The following EXTL2 variants were observed in gnomAD, a reference collection of about 807,000 sequenced individuals.
The protein encoded by EXTL2 is exostosin like glycosyltransferase 2.
EXTL2 carries 23 observed loss-of-function variants against 30.7 expected under a neutral mutation model. That is an observed-to-expected ratio of 0.75 (90% CI 0.54 to 1.06). The LOEUF (loss-of-function observed/expected upper bound fraction) is 1.06, where lower values mean the gene tolerates loss of function less well. Among genes scored for constraint, EXTL2 ranks in the 50% least tolerant of loss-of-function variants. The pLI is 0.00. For missense variants in EXTL2, 352 were observed against 396.3 expected (o/e 0.89, Z 0.95); for synonymous variants, 123 against 133.8 (o/e 0.92, Z 0.56).
At position 100,876,804 on chromosome 1, in the gene EXTL2, G is replaced by A. The variant is rs778046700; in HGVS notation, c.494C>T (p.Ser165Leu). Residue 165 changes from serine to leucine, a missense_variant, in exon 4 of 5, where the codon TCA becomes TTA. Physicochemically the swap from Ser to Leu is moderately radical, Grantham distance 145 (BLOSUM62 -2). Transcript: ENST00000370114. ...ISTPDLVFAF[S>L]VWQQFPDQIV... ...AGACAGCAACATTACCTGCCAAACT[G>A]AGAAAGCAAAAACAAGGTCTGGGGT... is the stretch of plus-strand genomic sequence containing the variant. 1.2e-6 allele frequency: 2 copies of A among 1,611,586 alleles called. No individual in the cohort carries two copies. The highest frequency in any genetic ancestry group is 1.7e-6 in the Non-Finnish European group (2 of 1,178,254).
chr1:100,874,502 T>G, intron 4 of EXTL2, 72 bp from the exon 5 acceptor site: 1 of 1,220,028 alleles, frequency 8.2e-7, no homozygotes, highest in South Asian at 1.5e-5. Context: ...AGGCAATGAT[T>G]TATTACAGAG....
chr1:100,881,040 C>A (rs1433148329), intron 2 of EXTL2: 1 of 984,294 alleles, frequency 1.0e-6, no homozygotes, highest in South Asian at 4.7e-5. Context: ...GCTCCTAATC[C>A]CCCAATTTTA....
chr1:100,884,442 GA>G (rs1315795521), intron 2 of EXTL2, among the ~76,000 whole-genome samples: 1 of 152,194 alleles, frequency 6.6e-6, no homozygotes, highest in Non-Finnish European at 1.5e-5. Context: ...ATGCACGTAA[GA>G]AGATGCAAAA....
rs1031376839 is a variant in EXTL2, at chr1:100,874,301, G to T, written c.634C>A (p.Leu212Met). Residue 212 changes from leucine to methionine, a missense_variant, in exon 5 of 5, where the codon CTG becomes ATG. Physicochemically the swap from Leu to Met is conservative, Grantham distance 15. Transcript: ENST00000370114. The part of the protein sequence containing the change: ...SGNGDQYSMV[L>M]IGASFFNSKY... ...CTATTGAAGAATGAGGCTCCAATCA[G>T]CACCATAGAGTACTGGTCACCATTT... 4.3e-6 allele frequency: 7 copies of T among 1,612,870 alleles called. No homozygotes were observed. The highest frequency in any genetic ancestry group is 5.9e-6 in the Non-Finnish European group (7 of 1,179,460).
intron 2 of EXTL2, among the ~76,000 whole-genome samples, chr1:100,887,033 A>C (rs939121526): frequency 1.4e-4 from 21 of 152,232 alleles, no homozygotes; most frequent in Admixed American, 1.2e-3. Context: ...AAGCATTTTT[A>C]GCTCAGTACA....
chr1:100,888,171 C>A (rs889410884), intron 2 of EXTL2, among the ~76,000 whole-genome samples: 2 of 152,202 alleles, frequency 1.3e-5, no homozygotes, highest in African/African-American at 4.8e-5. Context: ...TAAGTAAGAA[C>A]TAGTGTTTCC....
rs1251901965 is a variant in EXTL2, at chr1:100,877,480, G to T, written c.429C>A (p.Thr143=). The change falls in exon 3 of 5, where the codon ACC becomes ACA. Residue 143 remains threonine (T), a synonymous_variant. Coordinates refer to ENST00000370114, the MANE Select transcript of EXTL2 (RefSeq NM_001033025.3). This position sits in a 1 kb window ranked among gnomAD's most constrained non-coding sequence, Gnocchi z 4.1. ...GAGAACTACACTGCAACTCACCATT[G>T]GTTTCCAGTTCAGGAAAGACCTGGA... The part of the protein sequence containing the change: ...NRLQVFPELE[T]NAVLMVDDDT... 1 of 1,587,600 alleles carries T rather than the reference G, an allele frequency of 6.3e-7. No individual in the cohort carries two copies.
intron 1 of EXTL2, among the ~76,000 whole-genome samples, chr1:100,891,765 T>G (rs974679285): frequency 1.3e-5 from 2 of 152,344 alleles, no homozygotes; most frequent in East Asian, 1.9e-4. Flanking sequence ...TAATGGCTGG[T>G]AATATTTAGA....
chr1:100,891,219 G>C (rs1243956336), intron 1 of EXTL2, among the ~76,000 whole-genome samples: 1 of 152,164 alleles, frequency 6.6e-6, no homozygotes, highest in Non-Finnish European at 1.5e-5. Context: ...TTAACTTTAT[G>C]TAATGGCATT....
intron 2 of EXTL2, among the ~76,000 whole-genome samples, chr1:100,884,347 T>C (rs1649794996): frequency 6.6e-6 from 1 of 152,176 alleles, no homozygotes; most frequent in Admixed American, 6.6e-5. Context: ...ATATAGAATG[T>C]AGATGCTCAG....
At chr1:100,874,958 C>CT (rs1557950151) in intron 4 of EXTL2, among the ~76,000 whole-genome samples, 1 of 151,388 alleles carries the variant, frequency 6.6e-6, no homozygotes, top group African/African-American at 2.4e-5. Context: ...TTGGGTGTTT[C>CT]TTTTTTTAAA....
In EXTL2 at chr1:100,877,548, C is replaced by CAGGG. The variant is rs759711733; in HGVS notation, c.357_360dup (p.Val121ProfsTer21). The CAGGG allele has an allele frequency of 6.2e-7, 1 of 1,613,092 alleles. No individual in the cohort carries two copies. The highest frequency in any genetic ancestry group is 8.5e-7 in the Non-Finnish European group (1 of 1,179,458). On this transcript the variant is annotated frameshift_variant, in exon 3 of 5. Coordinates refer to ENST00000370114, the MANE Select transcript of EXTL2 (RefSeq NM_001033025.3). LOFTEE classifies it high-confidence loss of function. The surrounding 1 kb of genome is among the most constrained non-coding windows in gnomAD (Gnocchi z 4.1). ...TTTGCTGTCTGTTGTTTGAAGATCA[C>CAGGG]AGGGATAGGGTGGGGCCCTAGAGAA...
chr1:100,876,349 T>C (rs1649117280), intron 4 of EXTL2, among the ~76,000 whole-genome samples: 1 of 152,084 alleles, frequency 6.6e-6, no homozygotes, highest in African/African-American at 2.4e-5. Context: ...AAATTATTAC[T>C]GCAAAATTTC....
chr1:100,885,984 CTT>C (rs1054522680), intron 2 of EXTL2: 2 of 152,102 alleles, frequency 1.3e-5, no homozygotes, highest in African/African-American at 4.8e-5. Context: ...TAGGAATAGA[CTT>C]ATAATAATAA....
chr1:100,890,226 T>C (rs1650312879), intron 1 of EXTL2, among the ~76,000 whole-genome samples: 3 of 152,212 alleles, frequency 2.0e-5, no homozygotes, highest in African/African-American at 7.2e-5. Flanking sequence ...TCTGAAACAA[T>C]GTCCTGAGCT....
At chr1:100,887,225 TA>T (rs1557960015) in intron 2 of EXTL2, among the ~76,000 whole-genome samples, 1 of 152,242 alleles carries the variant, frequency 6.6e-6, no homozygotes, top group Non-Finnish European at 1.5e-5. Flanking sequence ...TTTCAGCCAT[TA>T]ACTCACTTTC....
At chr1:100,881,262 G>C (rs74105865) in intron 2 of EXTL2, among the ~76,000 whole-genome samples, 2,222 of 152,278 alleles carry the variant, frequency 0.015, 55 homozygotes, top group African/African-American at 0.051. Context: ...GAACTCCATT[G>C]TAGGCCCATT....
At chr1:100,875,487 C>T (rs772023205) in intron 4 of EXTL2, among the ~76,000 whole-genome samples, 2 of 151,726 alleles carry the variant, frequency 1.3e-5, no homozygotes, top group African/African-American at 2.4e-5. Flanking sequence ...AGAGAAGATG[C>T]GCTATTTATA....
At chr1:100,876,955 A>T in intron 3 of EXTL2, 91 bp from the exon 4 acceptor site, 1 of 776,816 alleles carries the variant, frequency 1.3e-6, no homozygotes, top group Non-Finnish European at 2.2e-6. Flanking sequence ...GATCATTCAA[A>T]TGAAGTATTT....
Sources: gnomAD v4.1 joint callset for allele counts (sites outside exome capture counted in the v4.1 genomes callset) on GRCh38, gnomAD v4.1.1 for gene constraint, Gnocchi (gnomAD v3.1) non-coding constraint, MANE v1.5 for transcripts, NCBI Gene and HGNC (gene_info 2026-07-23, HGNC 2026-07-21) for gene names.